The following NBEAL1 variants were observed in gnomAD, a reference collection of about 807,000 sequenced individuals.
NBEAL1 encodes the protein neurobeachin like 1, also known as neurobeachin-like protein 1.
A neutral mutation model predicts 351.3 loss-of-function variants in NBEAL1; 273 were observed. The observed-to-expected ratio is 0.78, with a 90% CI of 0.70 to 0.86. NBEAL1 has a LOEUF of 0.86. Among genes scored for constraint, NBEAL1 ranks in the 40% least tolerant of loss-of-function variants. The pLI is 0.00. For missense variants in NBEAL1, 2,961 were observed against 3,201.3 expected (o/e 0.92, Z 1.81); for synonymous variants, 1,050 against 1,086.4 (o/e 0.97, Z 0.66).
At chr2:203,202,515 A>G (rs775889014) in intron 50 of NBEAL1, among the ~76,000 whole-genome samples, 172 bp from the exon 51 acceptor site, 1 of 152,182 alleles carries the variant, frequency 6.6e-6, no homozygotes, top group Non-Finnish European at 1.5e-5. Context: ...TGATTTTGAC[A>G]CTGCTGCTTT....
At chr2:203,121,604 A>T (rs1239499166) in intron 18 of NBEAL1, among the ~76,000 whole-genome samples, 2 of 150,240 alleles carry the variant, frequency 1.3e-5, no homozygotes, top group Non-Finnish European at 3.0e-5. Context: ...GTGAGCCAAG[A>T]TCACACCACT....
In NBEAL1 at chr2:203,138,738, G is replaced by A. The variant is rs774194880; in HGVS notation, c.4838G>A (p.Gly1613Asp). ...IQLLLGFIGR[G>D]NLQVCAMASA... ...TTGCTTCTAGGATTCATTGGAAGGG[G>A]TAATTTGCAGGTTTGTCCATTCTTT... Residue 1613 changes from glycine to aspartate, a missense_variant, in exon 31 of 56, where the codon GGT becomes GAT. Coordinates refer to ENST00000683969, the MANE Select transcript of NBEAL1 (RefSeq NM_001378026.1). 3.1e-6 allele frequency: 5 copies of A among 1,610,704 alleles called. No homozygotes were observed. The highest frequency in any genetic ancestry group is 2.2e-5 in the East Asian group (1 of 44,720).
intron 47 of NBEAL1, among the ~76,000 whole-genome samples, chr2:203,195,641 G>A (rs1368662261): frequency 6.6e-6 from 1 of 152,208 alleles, no homozygotes; most frequent in Non-Finnish European, 1.5e-5. Flanking sequence ...TCAGCAAAGG[G>A]AAAAGGCACA....
At chr2:203,196,177 A>T (rs2065236683) in intron 47 of NBEAL1, among the ~76,000 whole-genome samples, 1 of 152,240 alleles carries the variant, frequency 6.6e-6, no homozygotes, top group South Asian at 2.1e-4. Context: ...TTTTCATCTT[A>T]TCTAATCATT....
At chr2:203,146,711 C>T (rs1171824610) in intron 33 of NBEAL1, among the ~76,000 whole-genome samples, 1 of 151,808 alleles carries the variant, frequency 6.6e-6, no homozygotes. Flanking sequence ...GAGGAACACT[C>T]GAGTATAGGA....
intron 10 of NBEAL1, among the ~76,000 whole-genome samples, chr2:203,096,719 G>A (rs1407680579): frequency 6.6e-6 from 1 of 152,112 alleles, no homozygotes; most frequent in Non-Finnish European, 1.5e-5. Context: ...AAAATGTGTG[G>A]TCAGATAAAT....
At chr2:203,153,114 C>A (rs2063704413) in intron 35 of NBEAL1, among the ~76,000 whole-genome samples, 1 of 151,970 alleles carries the variant, frequency 6.6e-6, no homozygotes, top group South Asian at 2.1e-4. Flanking sequence ...GGAGTACCAA[C>A]TTTTAGATGT....
chr2:203,101,794 C>T (rs141156014), intron 12 of NBEAL1, among the ~76,000 whole-genome samples: 77 of 152,246 alleles, frequency 5.1e-4, no homozygotes, highest in Non-Finnish European at 7.5e-4. Context: ...CAGGGTTTCA[C>T]GATGTTGACC....
In NBEAL1 at chr2:203,215,138, A is replaced by G. The variant is rs1436103654; in HGVS notation, c.8070+1485A>G. On this transcript the variant is annotated intron_variant, in intron 55 of 55. Transcript: ENST00000683969. ...TTTGGAAGGCCAAGGCGGGCGGATC[A>G]TGAGGTCAAGACATCCAGGCCATCT... Among the ~76,000 whole-genome samples, 5 of 152,154 alleles carry G rather than the reference A, an allele frequency of 3.3e-5. 1 individual carries two copies. Among genetic ancestry groups the G allele is most frequent in the Non-Finnish European group, 7.3e-5 (5 of 68,038 alleles).
intron 19 of NBEAL1, among the ~76,000 whole-genome samples, chr2:203,123,405 T>A (rs376010547): frequency 6.6e-6 from 1 of 151,380 alleles, no homozygotes; most frequent in East Asian, 1.9e-4. Flanking sequence ...GGATCTCGGC[T>A]CACTACAACC....
chr2:203,073,711 A>G (rs534732977), intron 7 of NBEAL1, among the ~76,000 whole-genome samples: 1 of 152,112 alleles, frequency 6.6e-6, no homozygotes, highest in Non-Finnish European at 1.5e-5. Context: ...ATTTTCCTCT[A>G]TTGTTTATTC....
chr2:203,212,530 C>T (rs1337548348), intron 54 of NBEAL1, among the ~76,000 whole-genome samples: 3 of 150,640 alleles, frequency 2.0e-5, no homozygotes, highest in Non-Finnish European at 2.9e-5. Context: ...ATCACTTGAA[C>T]TCAGGAGGCA....
intron 2 of NBEAL1, among the ~76,000 whole-genome samples, chr2:203,029,758 T>C (rs2060920668): frequency 6.6e-6 from 1 of 152,098 alleles, no homozygotes; most frequent in Non-Finnish European, 1.5e-5. Flanking sequence ...TCACTAGGAA[T>C]TGGTGTATTC....
At chr2:203,206,453 C>T (rs1304294803) in intron 51 of NBEAL1, among the ~76,000 whole-genome samples, 2 of 152,056 alleles carry the variant, frequency 1.3e-5, no homozygotes, top group African/African-American at 4.8e-5. Flanking sequence ...CCACCGTCTT[C>T]CTCTGATGCC....
At chr2:203,198,556 A>G (rs2065301417) in intron 48 of NBEAL1, among the ~76,000 whole-genome samples, 1 of 152,116 alleles carries the variant, frequency 6.6e-6, no homozygotes, top group African/African-American at 2.4e-5. Context: ...CATGAGAAAA[A>G]ATAATCTTCC....
intron 18 of NBEAL1, among the ~76,000 whole-genome samples, chr2:203,120,899 T>C (rs1464717898): frequency 6.6e-6 from 1 of 152,338 alleles, no homozygotes; most frequent in East Asian, 1.9e-4. Flanking sequence ...AAGTATTTGT[T>C]TGATTAAAGC....
At chr2:203,107,382 G>A (rs2062461316) in intron 12 of NBEAL1, 38 bp from the exon 13 acceptor site, 1 of 1,045,940 alleles carries the variant, frequency 9.6e-7, no homozygotes, top group East Asian at 2.6e-5. Context: ...TTCAGTCTTT[G>A]AAAATGTACT....
At chr2:203,094,071 A>G (rs1401893196) in intron 10 of NBEAL1, among the ~76,000 whole-genome samples, 1 of 152,202 alleles carries the variant, frequency 6.6e-6, no homozygotes, top group Middle Eastern at 3.2e-3. Context: ...GTCCTAAGGC[A>G]TTAAATGATT....
chr2:203,066,777 G>A (rs1205627897), intron 6 of NBEAL1, among the ~76,000 whole-genome samples: 3 of 150,454 alleles, frequency 2.0e-5, no homozygotes, highest in Admixed American at 6.6e-5. Context: ...CTTCCCAGAC[G>A]GGGCGGCCGG....
Sources: gnomAD v4.1 joint callset for allele counts (sites outside exome capture counted in the v4.1 genomes callset) on GRCh38, gnomAD v4.1.1 for gene constraint, MANE v1.5 for transcripts, NCBI Gene and HGNC (gene_info 2026-07-23, HGNC 2026-07-21) for gene names.